CDV3: variants seen among roughly 807,000 people sequenced by gnomAD.
CDV3 encodes the protein protein CDV3 homolog.
Under a neutral mutation model 24.5 loss-of-function variants are expected in CDV3, and 14 were observed. That is an observed-to-expected ratio of 0.57 (90% CI 0.38 to 0.89). The LOEUF (loss-of-function observed/expected upper bound fraction) is 0.89, where lower values mean the gene tolerates loss of function less well. Among genes scored for constraint, CDV3 ranks in the 40% least tolerant of loss-of-function variants. The pLI is 0.00. For missense variants in CDV3, 304 were observed against 310.2 expected (o/e 0.98, Z 0.15); for synonymous variants, 114 against 114.1 (o/e 1.00, Z 0.00).
intron 2 of CDV3, among the ~76,000 whole-genome samples, chr3:133,582,230 CACT>C (rs1465815825): frequency 6.6e-6 from 1 of 152,184 alleles, no homozygotes; most frequent in Non-Finnish European, 1.5e-5. Flanking sequence ...AGTCTTGGCC[CACT>C]ACAACCTCTG....
In CDV3 at chr3:133,574,077, C is replaced by A. The variant is rs868410280; in HGVS notation, c.33C>A (p.Asn11Lys). The change falls in exon 1 of 5, where the codon AAC becomes AAA. Residue 11 changes from asparagine to lysine, a missense_variant. By Grantham distance (94) the Asn-to-Lys change is moderately conservative. Around this residue, in one of 3 missense-constraint regions of CDV3, gnomAD observed 219 missense variants for 203.6 expected, o/e 1.08. Transcript: ENST00000264993. ...AGACGGAGGAGCGGAGCCTGGACAA[C>A]TTCTTTGCCAAGAGGGACAAGAAGA... The part of the protein sequence containing the change: MAETEERSLD[N>K]FFAKRDKKKK... 1 of 1,239,582 alleles carries A rather than the reference C, an allele frequency of 8.1e-7. No individual in the cohort carries two copies. The highest frequency in any genetic ancestry group is 1.0e-6 in the Non-Finnish European group (1 of 966,234). The allele number at this position is 1,239,582 out of a possible 1,614,324, so 76.8% of individuals were successfully genotyped here.
Position 133,578,978 on chromosome 3 carries a change from C to T in CDV3, c.317+3863C>T, listed in dbSNP as rs551099416. Among the ~76,000 whole-genome samples the T allele has an allele frequency of 6.6e-5, 10 of 152,236 alleles. No homozygotes were observed. In the East Asian group the frequency reaches 1.5e-3, roughly 23 times the overall value. The stretch of plus-strand genomic sequence containing the variant: ...TCTTAGAGAATATTTTTGCATCATA[C>T]CTTAGAGCTATAAAGGGGATAAAAT... On this transcript the variant is annotated intron_variant, in intron 2 of 4. Transcript: ENST00000264993.
At chr3:133,576,841 CTTTTTTTTTTTT>C (rs370619351) in intron 2 of CDV3, among the ~76,000 whole-genome samples, 1 of 62,388 alleles carries the variant, frequency 1.6e-5, no homozygotes. Flanking sequence ...GGTAGACTAG[CTTTTTTTTTTTT>C]TTTTTTTTTT....
chr3:133,587,893 T>A lies in CDV3; in HGVS notation c.627-3T>A. 6.3e-7 allele frequency: 1 copy of A among 1,595,540 alleles called. No homozygotes were observed. Among genetic ancestry groups the A allele is most frequent in the Non-Finnish European group, 8.5e-7 (1 of 1,171,010 alleles). On this transcript the variant is annotated splice_region_variant and splice_polypyrimidine_tract_variant and intron_variant, in intron 4 of 4. Coordinates refer to ENST00000264993, the MANE Select transcript of CDV3 (RefSeq NM_017548.5). ...TTTACTGATTACATTTCTTTTCCCT[T>A]AGGGATAAAGAAATGGAGAAGAGCT...
chr3:133,583,867 T>G (rs1314918224), intron 2 of CDV3, 135 bp from the exon 3 acceptor site: 2 of 661,622 alleles, frequency 3.0e-6, no homozygotes, highest in Non-Finnish European at 5.1e-6. Flanking sequence ...TGGCCTCACT[T>G]TTTAAATAAG....
Position 133,590,184 on chromosome 3 carries a change from G to A in CDV3, c.*2138G>A, listed in dbSNP as rs1052059506. The stretch of plus-strand genomic sequence containing the variant: ...GATGAGGCTGTCCATTGTACCATTT[G>A]TTTGAATTCTCAGGCATGGTTTGGC... On this transcript the variant is annotated 3_prime_UTR_variant, in exon 5 of 5. Coordinates refer to ENST00000264993, the MANE Select transcript of CDV3 (RefSeq NM_017548.5). The A allele has an allele frequency of 1.2e-4, 18 of 152,138 alleles. No individual in the cohort carries two copies. Among genetic ancestry groups the A allele is most frequent in the Non-Finnish European group, 2.5e-4 (17 of 68,020 alleles). The allele number at this position is 152,138 out of a possible 1,614,324, so 9.4% of individuals were successfully genotyped here.
In CDV3 at chr3:133,586,886, T is replaced by C. The variant is rs377016852; in HGVS notation, c.626+164T>C. ...GTGAGAATCAGGGTGGGACTTCATA[T>C]GTCCAGAAGGGAGGAAAGGGGGAGG... On this transcript the variant is annotated intron_variant, in intron 4 of 4. Transcript: ENST00000264993. 1.3e-4 allele frequency among the ~76,000 whole-genome samples: 20 copies of C among 152,332 alleles called. 2 individuals carry two copies. The highest frequency in any genetic ancestry group is 2.4e-4 in the African/African-American group (10 of 41,584).
rs1208337024 is a variant in CDV3, at chr3:133,574,269, C to G, written c.225C>G (p.Thr75=). 3.0e-6 allele frequency: 3 copies of G among 987,402 alleles called. No homozygotes were observed. In the African/African-American group the frequency reaches 5.3e-5, roughly 17 times the overall value. 61.2% of individuals were successfully genotyped at this position (987,402 alleles called of 1,614,324 possible). A position where few individuals can be genotyped will look rare whatever the true frequency, so the allele number is the denominator to read the frequency against. ...GGGCTGCGGGCCCAGGGGCCGCCAC[C>G]AAGGCTGTGACGAAGGTGAGGGGCC... ...SAGAAGPGAA[T]KAVTKDEDEW... The change falls in exon 1 of 5, where the codon ACC becomes ACG. Residue 75 remains threonine, a synonymous_variant. Coordinates refer to ENST00000264993, the MANE Select transcript of CDV3 (RefSeq NM_017548.5).
intron 4 of CDV3, chr3:133,587,406 G>A (rs2107744026): frequency 8.4e-7 from 1 of 1,194,310 alleles, no homozygotes; most frequent in Non-Finnish European, 1.0e-6. Flanking sequence ...TAAAAAATGT[G>A]TAAGGGACCT....
Position 133,588,660 on chromosome 3 carries a change from T to G in CDV3, c.*614T>G. ...CCTGGAACACACTGCTGAAAAGAAC[T>G]GATGTGTTCAGATCATCTGTGTAGG... On this transcript the variant is annotated 3_prime_UTR_variant, in exon 5 of 5. Transcript: ENST00000264993. 2.1e-6 allele frequency: 1 copy of G among 479,158 alleles called. No homozygotes were observed. The allele number at this position is 479,158 out of a possible 1,614,324, so 29.7% of individuals were successfully genotyped here.
Position 133,589,167 on chromosome 3 carries a change from A to G in CDV3, c.*1121A>G, listed in dbSNP as rs1046472325. ...TTAGAAATTCAGAGTAACATGAGCA[A>G]AACCTCAGCTAAAACCCATTTAAGT... On this transcript the variant is annotated 3_prime_UTR_variant, in exon 5 of 5. Coordinates refer to ENST00000264993, the MANE Select transcript of CDV3 (RefSeq NM_017548.5). 1 of 152,680 alleles carries G rather than the reference A, an allele frequency of 6.5e-6. No individual in the cohort carries two copies. Among genetic ancestry groups the G allele is most frequent in the African/African-American group, 2.4e-5 (1 of 41,452 alleles). 9.5% of individuals were successfully genotyped at this position (152,680 alleles called of 1,614,324 possible). A position where few individuals can be genotyped will look rare whatever the true frequency, so the allele number is the denominator to read the frequency against.
intron 3 of CDV3, among the ~76,000 whole-genome samples, chr3:133,585,039 C>G (rs948997892): frequency 6.6e-6 from 1 of 152,014 alleles, no homozygotes; most frequent in Non-Finnish European, 1.5e-5. Context: ...TCACAGATAA[C>G]TACTCTATGT....
At chr3:133,586,387 C>T (rs1341624285) in intron 3 of CDV3, among the ~76,000 whole-genome samples, 176 bp from the exon 4 acceptor site, 3 of 152,240 alleles carry the variant, frequency 2.0e-5, no homozygotes, top group Non-Finnish European at 4.4e-5. Flanking sequence ...TGAGCCACCA[C>T]GCCCAGCCTG....
intron 2 of CDV3, among the ~76,000 whole-genome samples, chr3:133,583,279 GTA>G (rs1276036140): frequency 6.6e-6 from 1 of 152,172 alleles, no homozygotes; most frequent in Non-Finnish European, 1.5e-5. Context: ...AATTCTGAGA[GTA>G]TTTTATGTGC....
At chr3:133,587,708 C>G in intron 4 of CDV3, 188 bp from the exon 5 acceptor site, 1 of 1,377,774 alleles carries the variant, frequency 7.3e-7, no homozygotes, top group South Asian at 1.9e-5. Context: ...AGCTTCAATA[C>G]AGCGTTCTGT....
intron 4 of CDV3, chr3:133,587,021 T>A: frequency 2.0e-6 from 1 of 494,962 alleles, no homozygotes; most frequent in East Asian, 3.2e-5. Context: ...AATTCTTTTA[T>A]AATTAAGTGG....
chr3:133,586,954 T>G (rs1231017141), intron 4 of CDV3, among the ~76,000 whole-genome samples: 1 of 152,186 alleles, frequency 6.6e-6, no homozygotes, highest in African/African-American at 2.4e-5. Context: ...CTGCAAAAGT[T>G]TATCTTAGCC....
chr3:133,578,809 C>A (rs900678870), intron 2 of CDV3, among the ~76,000 whole-genome samples: 2 of 152,158 alleles, frequency 1.3e-5, no homozygotes, highest in Non-Finnish European at 2.9e-5. Context: ...GCTGCTTCCC[C>A]CTAGTGTTGG....
chr3:133,588,384 A>G lies in CDV3; in HGVS notation c.*338A>G, dbSNP rs1157585498. 1.3e-6 allele frequency: 2 copies of G among 1,535,072 alleles called. No individual in the cohort carries two copies. The highest frequency in any genetic ancestry group is 1.7e-6 in the Non-Finnish European group (2 of 1,146,062). On this transcript the variant is annotated 3_prime_UTR_variant, in exon 5 of 5. Transcript: ENST00000264993. ...AGCCTTCATAAGGGTTGACTACCTC[A>G]GATTTGCTGCACTCATTGTGGACTT... is the stretch of plus-strand genomic sequence containing the variant.
Sources: gnomAD v4.1 joint callset for allele counts (sites outside exome capture counted in the v4.1 genomes callset) on GRCh38, gnomAD v4.1.1 for gene constraint, gnomAD v4.1.1 regional missense constraint, MANE v1.5 for transcripts, NCBI Gene and HGNC (gene_info 2026-07-23, HGNC 2026-07-21) for gene names.